Variants in SENP2 observed in about 807,000 individuals in gnomAD.
SENP2 encodes sentrin-specific protease 2.
A neutral mutation model predicts 86.3 loss-of-function variants in SENP2; 16 were observed. The ratio of observed to expected loss-of-function variants is 0.19; its 90% CI spans 0.13 to 0.28. SENP2 has a LOEUF of 0.28. Among genes scored for constraint, SENP2 ranks in the 10% least tolerant of loss-of-function variants. The pLI, the probability that SENP2 is intolerant of heterozygous loss-of-function variation, is 1.00. For missense variants in SENP2, 552 were observed against 703.0 expected (o/e 0.79, Z 2.43); for synonymous variants, 222 against 238.7 (o/e 0.93, Z 0.64).
At chr3:185,606,561 T>A in intron 6 of SENP2, 63 bp downstream of exon 6, 1 of 1,358,888 alleles carries the variant, frequency 7.4e-7, no homozygotes, top group Non-Finnish European at 1.0e-6. Flanking sequence ...GGATGCTGCC[T>A]AGAGACACTC....
At chr3:185,598,375 T>C in intron 2 of SENP2, 37 bp from the exon 3 acceptor site, 1 of 1,598,296 alleles carries the variant, frequency 6.3e-7, no homozygotes, top group Non-Finnish European at 8.6e-7. Context: ...GCTGGAAGTT[T>C]ATTACTTTAT....
At chr3:185,595,584 C>T (rs1402390304) in intron 2 of SENP2, among the ~76,000 whole-genome samples, 1 of 152,182 alleles carries the variant, frequency 6.6e-6, no homozygotes, top group East Asian at 1.9e-4. Flanking sequence ...TGCAGTCTAT[C>T]TTTCTCTAAA....
At chr3:185,621,515 G>A (rs1711889555) in intron 13 of SENP2, among the ~76,000 whole-genome samples, 1 of 147,894 alleles carries the variant, frequency 6.8e-6, no homozygotes, top group Non-Finnish European at 1.5e-5. Context: ...TCAGCCTCCT[G>A]AGCAGCTAGG....
At chr3:185,597,961 G>A (rs897822328) in intron 2 of SENP2, among the ~76,000 whole-genome samples, 2 of 151,680 alleles carry the variant, frequency 1.3e-5, no homozygotes, top group South Asian at 4.2e-4. Context: ...ACCTAGGAAA[G>A]GATTATATTG....
rs938700838 is a variant in SENP2, at chr3:185,598,677, T to C, written c.291+132T>C. ...GAAATATCTGTATCTTTATTAGCTG[T>C]GCTATAAAGGCCAAGAAATTAAAGG... On this transcript the variant is annotated intron_variant, in intron 3 of 16. Coordinates refer to ENST00000296257, the MANE Select transcript of SENP2 (RefSeq NM_021627.3). 9.7e-6 allele frequency: 9 copies of C among 926,954 alleles called. No individual in the cohort carries two copies. In the African/African-American group the frequency reaches 1.3e-4, roughly 14 times the overall value. The allele number at this position is 926,954 out of a possible 1,614,324, so 57.4% of individuals were successfully genotyped here.
intron 2 of SENP2, among the ~76,000 whole-genome samples, chr3:185,591,506 C>T (rs1721996770): frequency 6.6e-6 from 1 of 151,636 alleles, no homozygotes; most frequent in Non-Finnish European, 1.5e-5. Context: ...CGCCCGCCAT[C>T]ATGCCCGGCT....
At chr3:185,619,538 T>C (rs371941217) in intron 13 of SENP2, 36 bp downstream of exon 13, 1 of 1,568,728 alleles carries the variant, frequency 6.4e-7, no homozygotes, top group Non-Finnish European at 8.8e-7. Flanking sequence ...TTGTTGGACT[T>C]GGATAAAGGC....
chr3:185,587,570 A>ATTTCTTTTTTTTTTTT (rs1721827457), intron 1 of SENP2, among the ~76,000 whole-genome samples: 1 of 118,798 alleles, frequency 8.4e-6, no homozygotes, highest in Non-Finnish European at 1.7e-5. Context: ...TCAAGTGTTA[A>ATTTCTTTTTTTTTTTT]TTTTTTTTTT....
chr3:185,609,338 C>T lies in SENP2; in HGVS notation c.710C>T (p.Ser237Leu). The change falls in exon 7 of 17, where the codon TCA becomes TTA. Residue 237 changes from serine to leucine, a missense_variant. This residue lies in a region of SENP2 where 383 missense variants were observed against 427.3 expected (regional missense o/e 0.90). Transcript: ENST00000296257. ...GHGNSVCPVT[S>L]NYHSSQRSQM... ...GGAAACTCTGTCTGTCCTGTAACTT[C>T]AAATTATCACAGGTGACAGTGAGCT... is the stretch of plus-strand genomic sequence containing the variant. 1.2e-6 allele frequency: 2 copies of T among 1,609,068 alleles called. No individual in the cohort carries two copies. The highest frequency in any genetic ancestry group is 1.7e-6 in the Non-Finnish European group (2 of 1,175,722).
rs61253950 is a variant in SENP2, at chr3:185,586,826, GCTCA to G, written c.101+315_101+318del. 0.015 allele frequency among the ~76,000 whole-genome samples: 2,318 copies of G among 152,296 alleles called. 56 individuals are homozygous for G. Among genetic ancestry groups the G allele is most frequent in the African/African-American group, 0.052 (2,148 of 41,532 alleles). ...TTGAAGGAATACTGTCTTTGTTGTG[GCTCA>G]CTGTTTACAAAGCACCCTCGCAAGT... On this transcript the variant is annotated intron_variant, in intron 1 of 16. Transcript: ENST00000296257. The surrounding 1 kb of genome is among the most constrained non-coding windows in gnomAD (Gnocchi z 4.3).
chr3:185,614,084 T>A (rs2148990772), intron 10 of SENP2, among the ~76,000 whole-genome samples: 1 of 152,306 alleles, frequency 6.6e-6, no homozygotes, highest in African/African-American at 2.4e-5. Context: ...TGTGGTTATA[T>A]AGGTGTTCAT....
intron 14 of SENP2, among the ~76,000 whole-genome samples, chr3:185,622,780 A>C (rs2148994574): frequency 6.7e-6 from 1 of 149,262 alleles, no homozygotes; most frequent in Admixed American, 6.7e-5. Context: ...TGCTGCTTAT[A>C]CCAGGATTTG....
At chr3:185,612,495 AT>A (rs1722729603) in intron 8 of SENP2, 111 bp from the exon 9 acceptor site, 2 of 722,596 alleles carry the variant, frequency 2.8e-6, no homozygotes, top group Non-Finnish European at 4.7e-6. Context: ...TCACTGTAGC[AT>A]TTCAATGTAG....
chr3:185,628,345 C>A (rs183308076), intron 16 of SENP2, among the ~76,000 whole-genome samples: 1 of 152,136 alleles, frequency 6.6e-6, no homozygotes, highest in Non-Finnish European at 1.5e-5. Flanking sequence ...CCATATTGGC[C>A]AGGCTGGTCT....
chr3:185,628,163 G>C (rs951207344), intron 16 of SENP2, among the ~76,000 whole-genome samples: 10 of 152,136 alleles, frequency 6.6e-5, no homozygotes, highest in South Asian at 2.1e-4. Context: ...TTGAGATGGA[G>C]TCTTGCTCTG....
intron 14 of SENP2, among the ~76,000 whole-genome samples, chr3:185,623,218 C>T (rs1001714524): frequency 7.3e-6 from 1 of 137,052 alleles, no homozygotes; most frequent in East Asian, 2.0e-4. Context: ...CTCGGCTCAC[C>T]GCAACCTCTG....
chr3:185,628,287 C>T (rs1004895003), intron 16 of SENP2, among the ~76,000 whole-genome samples: 3 of 152,132 alleles, frequency 2.0e-5, no homozygotes, highest in African/African-American at 4.8e-5. Flanking sequence ...CAGGCATGTA[C>T]CACCATGCCT....
chr3:185,613,827 CAAAAAAAAAAAA>C (rs58192571), intron 10 of SENP2, among the ~76,000 whole-genome samples: 3 of 48,610 alleles, frequency 6.2e-5, no homozygotes, highest in East Asian at 6.3e-4. Flanking sequence ...GACTCTGTCT[CAAAAAAAAAAAA>C]AAAAAAAAAG....
chr3:185,594,578 TAAAAG>T (rs955635808), intron 2 of SENP2, among the ~76,000 whole-genome samples: 1 of 151,112 alleles, frequency 6.6e-6, no homozygotes, highest in African/African-American at 2.4e-5. Context: ...AAAGCAAGGG[TAAAAG>T]AAAAGAAAGA....
Sources: allele counts gnomAD v4.1 joint callset (sites outside exome capture counted in the v4.1 genomes callset), GRCh38; gene constraint gnomAD v4.1.1; regional missense constraint gnomAD v4.1.1; non-coding constraint Gnocchi (gnomAD v3.1); transcripts MANE v1.5; gene names NCBI Gene and HGNC (gene_info 2026-07-23, HGNC 2026-07-21).